EGFR: variants seen among roughly 807,000 people sequenced by gnomAD.
EGFR encodes epidermal growth factor receptor.
In EGFR, 58 loss-of-function variants were observed where a neutral mutation model predicts 143.0. The observed-to-expected ratio is 0.41, with a 90% CI of 0.33 to 0.50. The LOEUF (loss-of-function observed/expected upper bound fraction) is 0.50. Among genes scored for constraint, EGFR ranks in the 20% least tolerant of loss-of-function variants. The pLI is 0.39. For synonymous variants in EGFR, 613 were observed against 594.4 expected (o/e 1.03, Z -0.45); for missense variants, 1,307 against 1,579.0 (o/e 0.83, Z 2.92).
rs577275378 is a variant in EGFR, at chr7:55,025,450, G to A, written c.88+6085G>A. ...ATAGATACTGAATGCAATCACAAAG[G>A]CTGGGAAGTCAATGGGACTGCAGGG... On this transcript the variant is annotated intron_variant, in intron 1 of 27. Transcript: ENST00000275493. Among the ~76,000 whole-genome samples the A allele has an allele frequency of 1.5e-3, 235 of 152,278 alleles. 1 individual carries two copies. The highest frequency in any genetic ancestry group is 3.4e-3 in the Middle Eastern group (1 of 294).
intron 1 of EGFR, among the ~76,000 whole-genome samples, chr7:55,037,106 G>T (rs1787629049): frequency 6.6e-6 from 1 of 152,222 alleles, no homozygotes; most frequent in African/African-American, 2.4e-5. Context: ...TACACTAATT[G>T]TATTATGCAA....
chr7:55,028,889 G>A (rs933921094), intron 1 of EGFR, among the ~76,000 whole-genome samples: 5 of 152,204 alleles, frequency 3.3e-5, no homozygotes, highest in African/African-American at 1.2e-4. Flanking sequence ...GCTGGGCTCA[G>A]TGGCTCATGC....
At chr7:55,200,093 G>A (rs1268007002) in intron 23 of EGFR, among the ~76,000 whole-genome samples, 2 of 152,176 alleles carry the variant, frequency 1.3e-5, no homozygotes, top group Non-Finnish European at 2.9e-5. Flanking sequence ...AAAAACTAGA[G>A]GGCATTATTG....
intron 1 of EGFR, among the ~76,000 whole-genome samples, chr7:55,063,678 A>C (rs1163668822): frequency 2.0e-5 from 3 of 152,194 alleles, no homozygotes; most frequent in East Asian, 3.8e-4. Flanking sequence ...CGTCATGGGC[A>C]TGGACGTAAA....
In EGFR at chr7:55,172,217, C is replaced by T. The variant is rs193222795; in HGVS notation, c.1920-766C>T. 1.9e-3 allele frequency among the ~76,000 whole-genome samples: 292 copies of T among 152,330 alleles called. 4 individuals carry two copies. The highest frequency in any genetic ancestry group is 6.6e-3 in the African/African-American group (276 of 41,572). The stretch of plus-strand genomic sequence containing the variant: ...TCCATCTTTTTCTTCTCCTCCTGTT[C>T]ACCCGCCCTTACTCTTGTGGCGCCC... On this transcript the variant is annotated intron_variant, in intron 16 of 27. Coordinates refer to ENST00000275493, the MANE Select transcript of EGFR (RefSeq NM_005228.5).
In EGFR at chr7:55,201,332, C is replaced by G. The variant is rs1490923813; in HGVS notation, c.3091C>G (p.Arg1031Gly). 1.2e-6 allele frequency: 2 copies of G among 1,614,058 alleles called. No individual in the cohort carries two copies. Among genetic ancestry groups the G allele is most frequent in the Non-Finnish European group, 1.7e-6 (2 of 1,180,044 alleles). The change falls in exon 25 of 28, where the codon CGG (arginine) becomes GGG (glycine). Residue 1031 changes from arginine (R) to glycine (G), a missense_variant. Arg to Gly is a moderately radical substitution (Grantham distance 125). Around this residue, in one of 7 missense-constraint regions of EGFR, gnomAD observed 313 missense variants for 312.3 expected, o/e 1.00. Coordinates refer to ENST00000275493, the MANE Select transcript of EGFR (RefSeq NM_005228.5). ...CTTCTTCAGCAGCCCCTCCACGTCA[C>G]GGACTCCCCTCCTGAGCTCTCTGGT... The part of the protein sequence containing the change: ...QGFFSSPSTS[R>G]TPLLSSLSAT...
chr7:55,035,524 A>C (rs1459966557), intron 1 of EGFR, among the ~76,000 whole-genome samples: 1 of 135,310 alleles, frequency 7.4e-6, no homozygotes, highest in African/African-American at 2.6e-5. Context: ...AAAAAAAAAC[A>C]AAAAAAAAAC....
chr7:55,070,195 G>A (rs1344307), intron 1 of EGFR, among the ~76,000 whole-genome samples: 130,387 of 152,234 alleles, frequency 0.86, 56,170 homozygotes, highest in East Asian at 0.97. Context: ...AGAAAACTCA[G>A]AGGGAATATG....
At chr7:55,115,570 G>T (rs761820230) in intron 1 of EGFR, among the ~76,000 whole-genome samples, 2 of 152,208 alleles carry the variant, frequency 1.3e-5, no homozygotes, top group Non-Finnish European at 2.9e-5. Flanking sequence ...GTAACTCGCA[G>T]TTCTCTGAAT....
intron 3 of EGFR, 151 bp from the exon 4 acceptor site, chr7:55,146,455 C>A: frequency 8.2e-7 from 1 of 1,226,770 alleles, no homozygotes; most frequent in South Asian, 1.3e-5. Flanking sequence ...TATCTGGCCG[C>A]CCCCCGGGAA....
At position 55,210,885 on chromosome 7, in the gene EGFR, G is replaced by A. The variant is rs556659512; in HGVS notation, c.*5268G>A. The A allele has an allele frequency of 5.8e-4, 89 of 152,320 alleles. No homozygotes were observed. The highest frequency in any genetic ancestry group is 2.0e-3 in the African/African-American group (83 of 41,578). The allele number at this position is 152,320 out of a possible 1,614,324, so 9.4% of individuals were successfully genotyped here. On this transcript the variant is annotated 3_prime_UTR_variant, in exon 28 of 28. Transcript: ENST00000275493. ...GTAGCCTTTATTTCCCACAGTGAAAGAAAACGCTGGCCTATCAGTTACATT... is the reference window on the plus strand; with the variant it reads ...GTAGCCTTTATTTCCCACAGTGAAAAAAAACGCTGGCCTATCAGTTACATT...
intron 12 of EGFR, among the ~76,000 whole-genome samples, chr7:55,160,762 G>A (rs1785656566): frequency 6.6e-6 from 1 of 152,220 alleles, no homozygotes. Context: ...GTGAGAGCCT[G>A]GCCTGTGCTG....
chr7:55,150,801 A>G lies in EGFR; in HGVS notation c.560-493A>G, dbSNP rs149753165. On this transcript the variant is annotated intron_variant, in intron 4 of 27. Coordinates refer to ENST00000275493, the MANE Select transcript of EGFR (RefSeq NM_005228.5). The stretch of plus-strand genomic sequence containing the variant: ...GTTAACATTTCACCCTCTGTGCACC[A>G]TTCTGTGCTTCTCTCTGGTTTGGAG... Among the ~76,000 whole-genome samples the G allele has an allele frequency of 7.5e-3, 1,138 of 152,336 alleles. 16 individuals carry two copies. The highest frequency in any genetic ancestry group is 0.026 in the African/African-American group (1,081 of 41,582).
chr7:55,185,551 C>G (rs1336073178), intron 20 of EGFR, among the ~76,000 whole-genome samples: 4 of 152,256 alleles, frequency 2.6e-5, no homozygotes, highest in Non-Finnish European at 5.9e-5. Flanking sequence ...ACTGCAGAGT[C>G]CTGCCATTCA....
intron 1 of EGFR, among the ~76,000 whole-genome samples, chr7:55,029,216 T>C (rs1410323771): frequency 2.0e-5 from 3 of 152,220 alleles, no homozygotes; most frequent in Non-Finnish European, 4.4e-5. Context: ...TTTTTTAATG[T>C]ACTAATTTTG....
chr7:55,062,634 C>T (rs1583943331), intron 1 of EGFR, among the ~76,000 whole-genome samples: 1 of 152,154 alleles, frequency 6.6e-6, no homozygotes, highest in Non-Finnish European at 1.5e-5. Context: ...TGATAAGCAA[C>T]CAAAGAGTCC....
intron 1 of EGFR, among the ~76,000 whole-genome samples, chr7:55,095,692 C>T (rs942463289): frequency 6.7e-6 from 1 of 150,060 alleles, no homozygotes; most frequent in Non-Finnish European, 1.5e-5. Flanking sequence ...CACACAGACA[C>T]ACGCACACAG....
intron 1 of EGFR, among the ~76,000 whole-genome samples, chr7:55,083,640 G>A (rs1790595602): frequency 6.6e-6 from 1 of 152,206 alleles, no homozygotes; most frequent in South Asian, 2.1e-4. Flanking sequence ...TTCAGGCCAA[G>A]GGGAGATCTT....
chr7:55,176,924 A>AAT (rs202183522), intron 19 of EGFR, among the ~76,000 whole-genome samples: 16 of 146,542 alleles, frequency 1.1e-4, no homozygotes, highest in South Asian at 2.1e-4. Context: ...TCTCTCTCTA[A>AAT]ATATATATAT....
Sources: gnomAD v4.1 joint callset for allele counts (sites outside exome capture counted in the v4.1 genomes callset) on GRCh38, gnomAD v4.1.1 for gene constraint, gnomAD v4.1.1 regional missense constraint, MANE v1.5 for transcripts, NCBI Gene and HGNC (gene_info 2026-07-23, HGNC 2026-07-21) for gene names.